The following COL23A1 variants were observed in gnomAD, a reference collection of about 807,000 sequenced individuals.
COL23A1 encodes collagen alpha-1(XXIII) chain.
COL23A1 carries 97 observed loss-of-function variants against 99.3 expected under a neutral mutation model. That is an observed-to-expected ratio of 0.98 (90% CI 0.83 to 1.16). The LOEUF (loss-of-function observed/expected upper bound fraction) is 1.16. COL23A1 is among the 50% of genes most tolerant of loss of function. The probability of loss-of-function intolerance (pLI) is 0.00; values close to 1 mark genes in which losing one functional copy is unlikely to be tolerated. For synonymous variants in COL23A1, 320 were observed against 308.2 expected (o/e 1.04, Z -0.40); for missense variants, 762 against 757.4 (o/e 1.01, Z -0.07).
intron 2 of COL23A1, among the ~76,000 whole-genome samples, chr5:178,485,791 A>C (rs1228071729): frequency 5.9e-5 from 9 of 151,458 alleles, no homozygotes; most frequent in Non-Finnish European, 1.0e-4. Flanking sequence ...AAAAAAAAAA[A>C]AAAAAAACAC....
chr5:178,578,111 ACACATTCATGCACACACACACATGCATG>A (rs975796355), intron 1 of COL23A1, among the ~76,000 whole-genome samples: 1 of 146,234 alleles, frequency 6.8e-6, no homozygotes, highest in Non-Finnish European at 1.5e-5. Flanking sequence ...GCCCACATGC[ACACATTCATGCACACACACACATGCATG>A]CACACACATG....
At chr5:178,490,675 G>T (rs1215121685) in intron 2 of COL23A1, among the ~76,000 whole-genome samples, 2 of 152,188 alleles carry the variant, frequency 1.3e-5, no homozygotes, top group Non-Finnish European at 2.9e-5. Context: ...TACTAGGGAG[G>T]CTGAGGCCGG....
chr5:178,357,736 G>GTGTGTGTGTGTGTGTGTATGTA (rs1353482179), intron 2 of COL23A1, among the ~76,000 whole-genome samples: 1 of 150,016 alleles, frequency 6.7e-6, no homozygotes, highest in South Asian at 2.2e-4. Flanking sequence ...GTGTGTGTGT[G>GTGTGTGTGTGTGTGTGTATGTA]TATGTACGTG....
intron 2 of COL23A1, among the ~76,000 whole-genome samples, chr5:178,356,656 C>T (rs1312817721): frequency 1.3e-5 from 2 of 152,224 alleles, no homozygotes; most frequent in Non-Finnish European, 2.9e-5. Context: ...GTCAGCGCCT[C>T]CCCAGTCCCC....
At chr5:178,483,607 G>C (rs745961548) in intron 2 of COL23A1, among the ~76,000 whole-genome samples, 5 of 152,190 alleles carry the variant, frequency 3.3e-5, no homozygotes, top group Non-Finnish European at 7.3e-5. Context: ...CGTTTCCCGA[G>C]TCAAACCTAA....
chr5:178,590,232 C>T lies in COL23A1; in HGVS notation c.-35G>A. 1 of 1,207,280 alleles carries T rather than the reference C, an allele frequency of 8.3e-7. No individual in the cohort carries two copies. Among genetic ancestry groups the T allele is most frequent in the Non-Finnish European group, 1.0e-6 (1 of 971,514 alleles). The allele number at this position is 1,207,280 out of a possible 1,614,324, so 74.8% of individuals were successfully genotyped here. ...GTCGCGCGTGGACTCTCCGAGGGGG[C>T]GGTGCTGCTGGGGCAGAGGCTGGGT... is the stretch of plus-strand genomic sequence containing the variant. On this transcript the variant is annotated 5_prime_UTR_variant, in exon 1 of 29. Transcript: ENST00000390654. The surrounding 1 kb of genome is among the most constrained non-coding windows in gnomAD (Gnocchi z 5.7).
At chr5:178,278,691 A>T (rs1157579274) in intron 5 of COL23A1, among the ~76,000 whole-genome samples, 1 of 151,878 alleles carries the variant, frequency 6.6e-6, no homozygotes, top group African/African-American at 2.4e-5. Context: ...TGCCCCACAT[A>T]CCCATCCTTC....
At chr5:178,325,366 T>C (rs1759589857) in intron 2 of COL23A1, among the ~76,000 whole-genome samples, 1 of 152,230 alleles carries the variant, frequency 6.6e-6, no homozygotes, top group African/African-American at 2.4e-5. Context: ...CTCCAGCCCG[T>C]TCCGCCCAGC....
At chr5:178,565,083 A>G (rs1762775774) in intron 1 of COL23A1, among the ~76,000 whole-genome samples, 1 of 152,222 alleles carries the variant, frequency 6.6e-6, no homozygotes, top group South Asian at 2.1e-4. Context: ...GTGTAGCAAC[A>G]AGGAAAAATG....
At chr5:178,249,993 A>G (rs1275136791) in intron 18 of COL23A1, 68 bp downstream of exon 18, 47 of 1,519,006 alleles carry the variant, frequency 3.1e-5, no homozygotes, top group Non-Finnish European at 4.1e-5. Context: ...ACGCACACAC[A>G]CACACACACA....
intron 2 of COL23A1, among the ~76,000 whole-genome samples, chr5:178,537,162 G>A (rs1009898952): frequency 6.6e-6 from 1 of 152,188 alleles, no homozygotes; most frequent in Admixed American, 6.5e-5. Context: ...CAGGCCGGGG[G>A]TGACAGGGAG....
chr5:178,361,790 G>A (rs1762188254), intron 2 of COL23A1, among the ~76,000 whole-genome samples: 1 of 152,128 alleles, frequency 6.6e-6, no homozygotes, highest in Non-Finnish European at 1.5e-5. Flanking sequence ...GTGTGCTTGA[G>A]CCATGCACCG....
intron 8 of COL23A1, among the ~76,000 whole-genome samples, chr5:178,263,597 GGAGA>G (rs1351062132): frequency 1.3e-5 from 2 of 152,232 alleles, no homozygotes; most frequent in Non-Finnish European, 2.9e-5. Flanking sequence ...CCAGTGTTTA[GGAGA>G]GAGATGGCAC....
chr5:178,358,473 G>A (rs115986917), intron 2 of COL23A1, among the ~76,000 whole-genome samples: 8,486 of 146,718 alleles, frequency 0.058, 373 homozygotes, highest in African/African-American at 0.12. Context: ...GTGTATGTGC[G>A]TATGCGTATA....
chr5:178,435,833 T>C (rs1176773768), intron 2 of COL23A1, among the ~76,000 whole-genome samples: 1 of 152,008 alleles, frequency 6.6e-6, no homozygotes, highest in Non-Finnish European at 1.5e-5. Flanking sequence ...GAGGACTGAG[T>C]CAGATGACGC....
At position 178,255,600 on chromosome 5, in the gene COL23A1, G is replaced by T. The variant is rs1765259253; in HGVS notation, c.883-574C>A. ...TGAACCTCACTTCCCCACCCAGGCTGCTCTTTGCTTGGGGTACAGTGAAGG... is the reference window on the plus strand; with the variant it reads ...TGAACCTCACTTCCCCACCCAGGCTTCTCTTTGCTTGGGGTACAGTGAAGG... On this transcript the variant is annotated intron_variant, in intron 15 of 28. Coordinates refer to ENST00000390654, the MANE Select transcript of COL23A1 (RefSeq NM_173465.4). This position sits in a 1 kb window ranked among gnomAD's most constrained non-coding sequence, Gnocchi z 4.2. Among the ~76,000 whole-genome samples, 4 of 152,342 alleles carry T rather than the reference G, an allele frequency of 2.6e-5. No individual in the cohort carries two copies. The South Asian group carries it at 8.3e-4, about 32-fold the overall frequency.
chr5:178,245,760 A>T (rs1356138399), intron 25 of COL23A1, among the ~76,000 whole-genome samples, 182 bp downstream of exon 25: 1 of 152,190 alleles, frequency 6.6e-6, no homozygotes, highest in Non-Finnish European at 1.5e-5. Context: ...ATCTATCCAC[A>T]AAGGACCTAC....
chr5:178,475,701 G>A (rs1195401676), intron 2 of COL23A1, among the ~76,000 whole-genome samples: 1 of 152,214 alleles, frequency 6.6e-6, no homozygotes, highest in Non-Finnish European at 1.5e-5. Flanking sequence ...ACGAGGCTGA[G>A]ATCTTGGTGC....
intron 2 of COL23A1, among the ~76,000 whole-genome samples, chr5:178,350,210 C>G (rs1013507325): frequency 6.6e-6 from 1 of 152,230 alleles, no homozygotes; most frequent in Non-Finnish European, 1.5e-5. Context: ...AGGACGCCCA[C>G]CTGGTCATGC....
Sources: gnomAD v4.1 joint callset for allele counts (sites outside exome capture counted in the v4.1 genomes callset) on GRCh38, gnomAD v4.1.1 for gene constraint, Gnocchi (gnomAD v3.1) non-coding constraint, MANE v1.5 for transcripts, NCBI Gene and HGNC (gene_info 2026-07-23, HGNC 2026-07-21) for gene names.